Variants in AGBL4 observed in about 807,000 individuals in gnomAD.
AGBL4 encodes cytosolic carboxypeptidase 6.
In AGBL4, 58 loss-of-function variants were observed where a neutral mutation model predicts 66.4. The ratio of observed to expected loss-of-function variants is 0.87; its 90% CI spans 0.71 to 1.09. The LOEUF (loss-of-function observed/expected upper bound fraction) is 1.09, where lower values mean the gene tolerates loss of function less well. Ranked by LOEUF, AGBL4 falls within the 50% of genes least tolerant of loss-of-function variation. AGBL4 has a pLI of 0.00. For synonymous variants in AGBL4, 234 were observed against 222.9 expected (o/e 1.05, Z -0.44); for missense variants, 579 against 631.0 (o/e 0.92, Z 0.88).
intron 1 of AGBL4, among the ~76,000 whole-genome samples, chr1:50,002,359 CTTTTTTTTTTTTTTTT>C (rs372960346): frequency 3.1e-5 from 3 of 96,052 alleles, no homozygotes. Flanking sequence ...TGCCCTAGTT[CTTTTTTTTTTTTTTTT>C]TTTTTTTTTT....
intron 2 of AGBL4, chr1:49,845,731 A>T: frequency 6.3e-7 from 1 of 1,592,958 alleles, no homozygotes; most frequent in Non-Finnish European, 8.6e-7. Flanking sequence ...GAGGATTTAC[A>T]CGGGAGAGAA....
At chr1:49,891,905 T>C (rs1274118627) in intron 1 of AGBL4, among the ~76,000 whole-genome samples, 1 of 152,132 alleles carries the variant, frequency 6.6e-6, no homozygotes, top group East Asian at 1.9e-4. Flanking sequence ...AAGCTTAAAG[T>C]TTAAGCCCCT....
chr1:49,245,390 G>GA (rs542062795), intron 4 of AGBL4, among the ~76,000 whole-genome samples: 25 of 139,262 alleles, frequency 1.8e-4, no homozygotes, highest in East Asian at 4.1e-4. Flanking sequence ...CTTAGGCTAG[G>GA]AAAAAAAAAA....
intron 6 of AGBL4, among the ~76,000 whole-genome samples, chr1:48,759,780 C>T (rs924075492): frequency 6.6e-6 from 1 of 152,212 alleles, no homozygotes; most frequent in Non-Finnish European, 1.5e-5. Flanking sequence ...ACCATGTAAA[C>T]TTTTCATCGA....
At chr1:49,974,446 G>A (rs1658396087) in intron 1 of AGBL4, among the ~76,000 whole-genome samples, 1 of 152,078 alleles carries the variant, frequency 6.6e-6, no homozygotes, top group African/African-American at 2.4e-5. Flanking sequence ...GAACTTAAAG[G>A]AATAGATTTC....
intron 3 of AGBL4, among the ~76,000 whole-genome samples, chr1:49,507,601 T>C (rs1648817361): frequency 6.6e-6 from 1 of 151,992 alleles, no homozygotes; most frequent in Non-Finnish European, 1.5e-5. Context: ...AGTTGGAAGC[T>C]GCAGGTTATT....
At chr1:49,801,769 A>G (rs1207695643) in intron 2 of AGBL4, among the ~76,000 whole-genome samples, 1 of 152,226 alleles carries the variant, frequency 6.6e-6, no homozygotes, top group Non-Finnish European at 1.5e-5. Flanking sequence ...ATATAATTGT[A>G]TAAAACAGGC....
At chr1:49,824,483 A>G (rs1281593216) in intron 2 of AGBL4, among the ~76,000 whole-genome samples, 2 of 152,228 alleles carry the variant, frequency 1.3e-5, no homozygotes, top group East Asian at 3.9e-4. Context: ...AGGCACATCA[A>G]CAAAGAAATG....
intron 11 of AGBL4, chr1:48,583,835 C>A (rs1644774914): frequency 6.7e-6 from 1 of 149,828 alleles, no homozygotes; most frequent in African/African-American, 2.5e-5. Context: ...TGAAGTCTCC[C>A]TCTGTTATGA....
At chr1:49,614,958 T>C (rs1176122178) in intron 3 of AGBL4, among the ~76,000 whole-genome samples, 3 of 152,128 alleles carry the variant, frequency 2.0e-5, no homozygotes, top group Non-Finnish European at 4.4e-5. Flanking sequence ...AACATTTGTA[T>C]AATAAATGAG....
chr1:48,693,019 AAAAG>A (rs1639491445), intron 6 of AGBL4, among the ~76,000 whole-genome samples: 1 of 152,204 alleles, frequency 6.6e-6, no homozygotes, highest in African/African-American at 2.4e-5. Context: ...CTGAGTTGGT[AAAAG>A]AAAGATGCAG....
At chr1:48,592,535 T>A (rs1487940966) in intron 9 of AGBL4, among the ~76,000 whole-genome samples, 1 of 152,192 alleles carries the variant, frequency 6.6e-6, no homozygotes, top group African/African-American at 2.4e-5. Flanking sequence ...CATTTTCAGC[T>A]TTGGAGGTGG....
chr1:49,259,455 G>C (rs1453273782), intron 3 of AGBL4, among the ~76,000 whole-genome samples: 4 of 151,768 alleles, frequency 2.6e-5, no homozygotes, highest in African/African-American at 9.7e-5. Context: ...TAAAAGGATG[G>C]AGGAAGATCT....
chr1:48,556,878 C>T lies in AGBL4; in HGVS notation c.1268-17140G>A, dbSNP rs1644329001. The stretch of plus-strand genomic sequence containing the variant: ...ATCTCGGCTCACTGCAACCTCCCAC[C>T]TCCTGGGCTCAAGCGATTCTGATGC... On this transcript the variant is annotated intron_variant, in intron 11 of 13. Transcript: ENST00000371839. Among the ~76,000 whole-genome samples, 4 of 152,252 alleles carry T rather than the reference C, an allele frequency of 2.6e-5. 1 individual carries two copies. The South Asian group carries it at 8.3e-4, about 32-fold the overall frequency.
chr1:49,861,021 G>C (rs888717926), intron 1 of AGBL4, among the ~76,000 whole-genome samples: 16 of 152,068 alleles, frequency 1.1e-4, no homozygotes, highest in African/African-American at 3.9e-4. Flanking sequence ...TAATTGTGAC[G>C]CACTGAACTC....
chr1:49,081,181 T>C (rs974585920), intron 4 of AGBL4, among the ~76,000 whole-genome samples: 5 of 152,146 alleles, frequency 3.3e-5, no homozygotes, highest in Non-Finnish European at 7.4e-5. Flanking sequence ...CAAAAAAGGA[T>C]TGTGCTTTGG....
intron 2 of AGBL4, among the ~76,000 whole-genome samples, chr1:49,709,259 A>C (rs1647448290): frequency 6.6e-6 from 1 of 152,186 alleles, no homozygotes; most frequent in Non-Finnish European, 1.5e-5. Context: ...CCCTGCCCAG[A>C]GAGGAGGAAT....
chr1:48,953,263 A>G (rs1161702500), intron 5 of AGBL4, among the ~76,000 whole-genome samples: 1 of 152,186 alleles, frequency 6.6e-6, no homozygotes, highest in Non-Finnish European at 1.5e-5. Flanking sequence ...CATAGTTTCT[A>G]TCCCCATCAC....
chr1:48,993,106 C>T (rs1660736343), intron 5 of AGBL4, among the ~76,000 whole-genome samples: 1 of 152,122 alleles, frequency 6.6e-6, no homozygotes, highest in South Asian at 2.1e-4. Flanking sequence ...ACCTGAAGCT[C>T]GCATGTCTCA....
Sources: gnomAD v4.1 joint callset for allele counts (sites outside exome capture counted in the v4.1 genomes callset) on GRCh38, gnomAD v4.1.1 for gene constraint, MANE v1.5 for transcripts, NCBI Gene and HGNC (gene_info 2026-07-23, HGNC 2026-07-21) for gene names.